PPP2R5E: variants seen among roughly 807,000 people sequenced by gnomAD.
PPP2R5E encodes the protein serine/threonine-protein phosphatase 2A 56 kDa regulatory subunit epsilon isoform.
PPP2R5E carries 4 observed loss-of-function variants against 65.3 expected under a neutral mutation model. The observed-to-expected ratio is 0.06, with a 90% CI of 0.03 to 0.14. PPP2R5E has a LOEUF of 0.14. Ranked by LOEUF, PPP2R5E falls within the 10% of genes least tolerant of loss-of-function variation. The pLI, the probability that PPP2R5E is intolerant of heterozygous loss-of-function variation, is 1.00. For synonymous variants in PPP2R5E, 183 were observed against 187.4 expected (o/e 0.98, Z 0.19); for missense variants, 274 against 556.1 (o/e 0.49, Z 5.10).
At chr14:63,470,683 A>G (rs1052196670) in intron 2 of PPP2R5E, among the ~76,000 whole-genome samples, 2 of 151,466 alleles carry the variant, frequency 1.3e-5, no homozygotes, top group East Asian at 3.9e-4. Flanking sequence ...CACCTAATCT[A>G]CTTTCACAGG....
intron 3 of PPP2R5E, among the ~76,000 whole-genome samples, chr14:63,442,216 TA>T (rs1393626655): frequency 6.6e-6 from 1 of 152,188 alleles, no homozygotes; most frequent in Non-Finnish European, 1.5e-5. Flanking sequence ...TTTTCCTTTG[TA>T]CCAAGGAATT....
chr14:63,527,169 CA>C (rs200067221), intron 2 of PPP2R5E, among the ~76,000 whole-genome samples: 1 of 150,076 alleles, frequency 6.7e-6, no homozygotes, highest in Non-Finnish European at 1.5e-5. Context: ...AACTCCGTCT[CA>C]AAAAAAAAGA....
At chr14:63,465,957 G>T (rs943094696) in intron 2 of PPP2R5E, among the ~76,000 whole-genome samples, 4 of 151,954 alleles carry the variant, frequency 2.6e-5, no homozygotes, top group African/African-American at 9.7e-5. Flanking sequence ...TAAGTTAATG[G>T]AATTAAAGAT....
chr14:63,507,868 G>A (rs985866339), intron 2 of PPP2R5E, among the ~76,000 whole-genome samples: 6 of 151,976 alleles, frequency 3.9e-5, no homozygotes, highest in East Asian at 1.9e-4. Flanking sequence ...GTGAGCCACC[G>A]CAACCGGCCC....
At chr14:63,441,032 G>A (rs1238082646) in intron 3 of PPP2R5E, among the ~76,000 whole-genome samples, 1 of 151,652 alleles carries the variant, frequency 6.6e-6, no homozygotes, top group Non-Finnish European at 1.5e-5. Context: ...AGTGGCTTTG[G>A]ACAAGTTTCT....
At position 63,520,110 on chromosome 14, in the gene PPP2R5E, A is replaced by G. The variant is rs868127161; in HGVS notation, c.157+19419T>C. 2.8e-4 allele frequency among the ~76,000 whole-genome samples: 43 copies of G among 152,044 alleles called. 1 individual carries two copies. Among genetic ancestry groups the G allele is most frequent in the African/African-American group, 9.9e-4 (41 of 41,458 alleles). ...GAGTGCAGTGGCGCAATCTCAGCTC[A>G]CTGCAAACTCCGCCTCCCGGGTTCA... On this transcript the variant is annotated intron_variant, in intron 2 of 13. Transcript: ENST00000337537.
chr14:63,404,709 A>G (rs1156797161), intron 5 of PPP2R5E, among the ~76,000 whole-genome samples: 2 of 152,312 alleles, frequency 1.3e-5, no homozygotes, highest in East Asian at 3.9e-4. Context: ...GAACAACTCC[A>G]CCAAGTCACA....
intron 5 of PPP2R5E, among the ~76,000 whole-genome samples, chr14:63,403,871 T>A (rs1165151228): frequency 3.9e-5 from 6 of 152,168 alleles, no homozygotes; most frequent in Non-Finnish European, 8.8e-5. Context: ...ATAGTACTCA[T>A]CTATCATGTG....
intron 2 of PPP2R5E, among the ~76,000 whole-genome samples, chr14:63,482,423 C>A (rs1297953579): frequency 1.3e-5 from 2 of 152,218 alleles, no homozygotes; most frequent in African/African-American, 4.8e-5. Flanking sequence ...CGCACCACTG[C>A]ATTCCAGCCT....
chr14:63,431,780 G>A (rs957779382), intron 3 of PPP2R5E, among the ~76,000 whole-genome samples: 1 of 152,096 alleles, frequency 6.6e-6, no homozygotes, highest in African/African-American at 2.4e-5. Context: ...GATTTAAAAG[G>A]AGATTTCTAA....
At chr14:63,423,361 T>C (rs1201443811) in intron 3 of PPP2R5E, among the ~76,000 whole-genome samples, 1 of 152,184 alleles carries the variant, frequency 6.6e-6, no homozygotes, top group Non-Finnish European at 1.5e-5. Flanking sequence ...CCTCCCAAAG[T>C]GCAGGGATTA....
intron 2 of PPP2R5E, among the ~76,000 whole-genome samples, chr14:63,509,849 A>G (rs1187642823): frequency 6.6e-6 from 1 of 152,174 alleles, no homozygotes; most frequent in Non-Finnish European, 1.5e-5. Context: ...AGTCTGGCCC[A>G]CTGGGACCTA....
At chr14:63,471,893 T>C (rs182329842) in intron 2 of PPP2R5E, among the ~76,000 whole-genome samples, 36 of 152,316 alleles carry the variant, frequency 2.4e-4, no homozygotes, top group Admixed American at 6.5e-4. Flanking sequence ...CTCTTTAACA[T>C]AGATTGAGGA....
chr14:63,468,188 G>A (rs1395997133), intron 2 of PPP2R5E, among the ~76,000 whole-genome samples: 1 of 152,176 alleles, frequency 6.6e-6, no homozygotes, highest in Non-Finnish European at 1.5e-5. Context: ...GATAGCACGA[G>A]CGTTTAAGAC....
intron 1 of PPP2R5E, among the ~76,000 whole-genome samples, chr14:63,541,157 C>A (rs1009148923): frequency 6.6e-6 from 1 of 152,182 alleles, no homozygotes; most frequent in Non-Finnish European, 1.5e-5. Flanking sequence ...CTATACCACA[C>A]TGCAAATGAG....
At chr14:63,444,216 T>C (rs1231002611) in intron 3 of PPP2R5E, among the ~76,000 whole-genome samples, 1 of 152,216 alleles carries the variant, frequency 6.6e-6, no homozygotes, top group Non-Finnish European at 1.5e-5. Context: ...TTTCCCTGTA[T>C]ATAACATGTG....
At chr14:63,510,630 C>A (rs1333417048) in intron 2 of PPP2R5E, among the ~76,000 whole-genome samples, 1 of 152,164 alleles carries the variant, frequency 6.6e-6, no homozygotes, top group Non-Finnish European at 1.5e-5. Flanking sequence ...AAATGCAAAG[C>A]CCTACGGCCT....
intron 13 of PPP2R5E, among the ~76,000 whole-genome samples, chr14:63,379,793 A>G (rs1235894149): frequency 1.4e-5 from 2 of 142,660 alleles, no homozygotes; most frequent in African/African-American, 5.1e-5. Flanking sequence ...AAATAATTTG[A>G]GTGGAAATAA....
At chr14:63,520,098 C>T (rs1036948813) in intron 2 of PPP2R5E, among the ~76,000 whole-genome samples, 1 of 152,256 alleles carries the variant, frequency 6.6e-6, no homozygotes, top group Non-Finnish European at 1.5e-5. Context: ...TGCAGTGGCG[C>T]AATCTCAGCT....
Sources: allele counts gnomAD v4.1 joint callset (sites outside exome capture counted in the v4.1 genomes callset), GRCh38; gene constraint gnomAD v4.1.1; transcripts MANE v1.5; gene names NCBI Gene and HGNC (gene_info 2026-07-23, HGNC 2026-07-21).